Variants in PCED1B observed in about 807,000 individuals in gnomAD.
PCED1B encodes the protein PC-esterase domain containing 1B, also known as PC-esterase domain-containing protein 1B.
For synonymous variants in PCED1B, 251 were observed against 246.1 expected (o/e 1.02, Z -0.19); for missense variants, 573 against 573.9 (o/e 1.00, Z 0.02).
At chr12:47,110,213 A>G (rs1307108176) in intron 2 of PCED1B, among the ~76,000 whole-genome samples, 1 of 152,206 alleles carries the variant, frequency 6.6e-6, no homozygotes, top group South Asian at 2.1e-4. Context: ...AAATGAATGG[A>G]CAATTAGTCC....
intron 2 of PCED1B, among the ~76,000 whole-genome samples, chr12:47,169,925 T>A (rs1941669193): frequency 6.7e-6 from 1 of 149,410 alleles, no homozygotes; most frequent in East Asian, 2.0e-4. Context: ...TTAGTATCAT[T>A]CTTGGGTGTT....
intron 2 of PCED1B, among the ~76,000 whole-genome samples, chr12:47,156,663 G>A (rs1941202630): frequency 2.0e-5 from 3 of 151,956 alleles, no homozygotes; most frequent in South Asian, 4.2e-4. Context: ...CCTCCTCCAG[G>A]AAGCCTTAAG....
At chr12:47,154,555 A>G (rs977912395) in intron 2 of PCED1B, among the ~76,000 whole-genome samples, 1 of 152,088 alleles carries the variant, frequency 6.6e-6, no homozygotes, top group African/African-American at 2.4e-5. Context: ...TAACACTTCC[A>G]TAGATTGATT....
At chr12:47,202,319 A>AT (rs1942786989) in intron 2 of PCED1B, among the ~76,000 whole-genome samples, 1 of 152,198 alleles carries the variant, frequency 6.6e-6, no homozygotes, top group South Asian at 2.1e-4. Context: ...CCATCAAAAG[A>AT]TGATACCGCA....
At chr12:47,115,325 C>T (rs558928087) in intron 2 of PCED1B, among the ~76,000 whole-genome samples, 158 of 152,308 alleles carry the variant, frequency 1.0e-3, no homozygotes, top group African/African-American at 3.7e-3. Flanking sequence ...TCGGTTCTCA[C>T]TCCTGCTATT....
chr12:47,217,966 A>G (rs1391902236), intron 3 of PCED1B, among the ~76,000 whole-genome samples: 1 of 152,210 alleles, frequency 6.6e-6, no homozygotes, highest in Non-Finnish European at 1.5e-5. Context: ...TAAATAATTA[A>G]TGTTGCTAAA....
At chr12:47,113,511 C>A (rs368421744) in intron 2 of PCED1B, among the ~76,000 whole-genome samples, 73 of 152,264 alleles carry the variant, frequency 4.8e-4, no homozygotes, top group African/African-American at 1.7e-3. Context: ...ATACTGATGA[C>A]GCTCCTGCTT....
intron 1 of PCED1B, among the ~76,000 whole-genome samples, chr12:47,091,970 A>G (rs374421387): frequency 6.6e-6 from 1 of 152,074 alleles, no homozygotes; most frequent in South Asian, 2.1e-4. Context: ...CTGATATCTC[A>G]CAGTGTAAGT....
At chr12:47,139,547 T>C (rs1386824675) in intron 2 of PCED1B, among the ~76,000 whole-genome samples, 1 of 151,650 alleles carries the variant, frequency 6.6e-6, no homozygotes. Context: ...TCAAGTACAG[T>C]GAAAAGGGGA....
chr12:47,144,725 G>GA (rs1940722564), intron 2 of PCED1B, among the ~76,000 whole-genome samples: 1 of 152,136 alleles, frequency 6.6e-6, no homozygotes, highest in South Asian at 2.1e-4. Flanking sequence ...GAGGTACAGT[G>GA]AAAATATGGT....
intron 2 of PCED1B, among the ~76,000 whole-genome samples, chr12:47,151,680 C>A (rs1940997109): frequency 6.6e-6 from 1 of 152,176 alleles, no homozygotes; most frequent in Non-Finnish European, 1.5e-5. Flanking sequence ...GTGTAAATTC[C>A]AGTCTAAATT....
At chr12:47,175,863 TG>T (rs1476888000) in intron 2 of PCED1B, among the ~76,000 whole-genome samples, 2 of 151,884 alleles carry the variant, frequency 1.3e-5, no homozygotes, top group Non-Finnish European at 2.9e-5. Flanking sequence ...TGAGTCACTG[TG>T]CCCGGCCTAT....
At chr12:47,213,447 C>T (rs986598247) in intron 2 of PCED1B, among the ~76,000 whole-genome samples, 2 of 152,130 alleles carry the variant, frequency 1.3e-5, no homozygotes. Context: ...CACATACACA[C>T]ACGAGCCAGC....
chr12:47,162,299 C>T (rs1373931877), intron 2 of PCED1B, among the ~76,000 whole-genome samples: 2 of 150,430 alleles, frequency 1.3e-5, no homozygotes, highest in East Asian at 1.9e-4. Context: ...GGTTGGGTGA[C>T]TTACAAGGAA....
chr12:47,117,236 T>C (rs1339760632), intron 2 of PCED1B, among the ~76,000 whole-genome samples: 1 of 152,200 alleles, frequency 6.6e-6, no homozygotes, highest in Non-Finnish European at 1.5e-5. Flanking sequence ...CTAGGGTACA[T>C]GTGCACAATG....
At chr12:47,228,660 A>G (rs1448601838) in intron 3 of PCED1B, among the ~76,000 whole-genome samples, 1 of 152,106 alleles carries the variant, frequency 6.6e-6, no homozygotes, top group African/African-American at 2.4e-5. Context: ...ATCTGAGGTC[A>G]GGAGTTCAAG....
At chr12:47,172,394 T>A (rs1003975584) in intron 2 of PCED1B, among the ~76,000 whole-genome samples, 9 of 151,098 alleles carry the variant, frequency 6.0e-5, no homozygotes, top group African/African-American at 1.9e-4. Flanking sequence ...TATTGTTGTT[T>A]GGAAGCAGAG....
rs1354172511 is a variant in PCED1B at position 47,106,472 on chromosome 12, T to A, written c.-526+2277T>A. ...TGAGAAAGTATAGACTTCTAGGAGT[T>A]CCCCAGCTCCCTCGGAACAGCCCTC... On this transcript the variant is annotated intron_variant, in intron 2 of 3. Coordinates refer to ENST00000546455, the MANE Select transcript of PCED1B (RefSeq NM_138371.3). Among the ~76,000 whole-genome samples the A allele has an allele frequency of 2.0e-5, 3 of 152,134 alleles. No individual in the cohort carries two copies. The East Asian group carries it at 5.8e-4, about 29-fold the overall frequency.
intron 3 of PCED1B, among the ~76,000 whole-genome samples, chr12:47,219,161 T>C (rs1943396696): frequency 6.6e-6 from 1 of 151,940 alleles, no homozygotes; most frequent in Non-Finnish European, 1.5e-5. Context: ...AATAAAAAAG[T>C]TTCTTTTTCC....
Sources: allele counts gnomAD v4.1 joint callset (sites outside exome capture counted in the v4.1 genomes callset), GRCh38; gene constraint gnomAD v4.1.1; transcripts MANE v1.5; gene names NCBI Gene and HGNC (gene_info 2026-07-23, HGNC 2026-07-21).